The following SPON1 variants were observed in gnomAD, a reference collection of about 807,000 sequenced individuals.
SPON1 encodes the protein spondin-1.
SPON1 carries 52 observed loss-of-function variants against 111.7 expected under a neutral mutation model. The observed-to-expected ratio is 0.47, with a 90% CI of 0.37 to 0.59. The LOEUF is 0.59. SPON1 is among the 20% of genes least tolerant of loss of function. The probability of loss-of-function intolerance (pLI) is 0.00; values close to 1 mark genes in which losing one functional copy is unlikely to be tolerated. For missense variants in SPON1, 957 were observed against 1,068.5 expected, an observed-to-expected ratio of 0.90 and a Z score of 1.46; for synonymous variants, 410 against 395.8, an observed-to-expected ratio of 1.04 and a Z score of -0.43.
chr11:14,255,781 A>T lies in SPON1; in HGVS notation c.1227A>T (p.Ala409=), dbSNP rs1849100255. ...QVARVVIERI[A]RKGEQCNIVP... The stretch of plus-strand genomic sequence containing the variant: ...CCAGAGTTGTCATCGAGAGAATCGC[A>T]CGGAAGGTACTGGGTTAGAACCCAC... The change falls in exon 9 of 16, where the codon GCA becomes GCT. Residue 409 remains alanine, a synonymous_variant. Coordinates refer to ENST00000576479, the MANE Select transcript of SPON1 (RefSeq NM_006108.4). 1.2e-6 allele frequency: 2 copies of T among 1,613,824 alleles called. No homozygotes were observed. The highest frequency in any genetic ancestry group is 4.5e-5 in the East Asian group (2 of 44,854).
intron 6 of SPON1, among the ~76,000 whole-genome samples, chr11:14,205,384 T>TGATG (rs1404893148): frequency 1.3e-5 from 2 of 152,170 alleles, no homozygotes; most frequent in Non-Finnish European, 2.9e-5. Context: ...AATAAATATT[T>TGATG]GATGGATGGA....
At chr11:14,025,881 A>T (rs1554915252) in intron 2 of SPON1, among the ~76,000 whole-genome samples, 1 of 152,060 alleles carries the variant, frequency 6.6e-6, no homozygotes, top group East Asian at 1.9e-4. Flanking sequence ...AGAGACAAGA[A>T]CTATGCCATT....
At chr11:14,027,622 A>G (rs11023055) in intron 2 of SPON1, among the ~76,000 whole-genome samples, 45,314 of 152,150 alleles carry the variant, frequency 0.3, 7,895 homozygotes, top group South Asian at 0.51. Flanking sequence ...AGAGACATTC[A>G]TTTGTCCATC....
intron 6 of SPON1, among the ~76,000 whole-genome samples, chr11:14,182,431 G>A (rs192204123): frequency 6.6e-6 from 1 of 152,232 alleles, no homozygotes. Context: ...ATGTCTGTGG[G>A]CTGTTATATA....
chr11:14,099,469 C>T (rs1161131736), intron 5 of SPON1, among the ~76,000 whole-genome samples: 1 of 152,068 alleles, frequency 6.6e-6, no homozygotes, highest in Non-Finnish European at 1.5e-5. Flanking sequence ...AATAAATGCA[C>T]TTAAGGCTGT....
intron 6 of SPON1, among the ~76,000 whole-genome samples, chr11:14,221,523 T>A (rs1848680546): frequency 6.6e-6 from 1 of 152,212 alleles, no homozygotes; most frequent in African/African-American, 2.4e-5. Flanking sequence ...TACAGTGTGA[T>A]GAATGGGATA....
intron 2 of SPON1, among the ~76,000 whole-genome samples, chr11:13,998,081 T>C (rs1215942743): frequency 6.6e-6 from 1 of 152,154 alleles, no homozygotes; most frequent in Non-Finnish European, 1.5e-5. Context: ...TGAGTAAATA[T>C]TAGTCACATA....
intron 2 of SPON1, among the ~76,000 whole-genome samples, chr11:14,021,104 C>T (rs529044920): frequency 5.9e-5 from 9 of 152,124 alleles, no homozygotes; most frequent in Admixed American, 5.9e-4. Context: ...GAGGTAAAAT[C>T]CTGGGCACAA....
In SPON1 at chr11:14,025,312, C is replaced by A. The variant is rs556115354; in HGVS notation, c.346-16209C>A. Among the ~76,000 whole-genome samples, 14 of 152,264 alleles carry A rather than the reference C, an allele frequency of 9.2e-5. No individual in the cohort carries two copies. The South Asian group carries it at 2.9e-3, about 32-fold the overall frequency. On this transcript the variant is annotated intron_variant, in intron 2 of 15. Transcript: ENST00000576479. ...CTTCTCTAAAAAGGGAGTAGCAATA[C>A]CTCTTTAATTTTAATTAATTCATTT... is the stretch of plus-strand genomic sequence containing the variant.
In SPON1 at chr11:14,267,025, TTTC is replaced by T. The variant is rs1331548186; in HGVS notation, c.*1344_*1346del. 3 of 152,264 alleles carry T rather than the reference TTTC, an allele frequency of 2.0e-5. No homozygotes were observed. The highest frequency in any genetic ancestry group is 4.4e-5 in the Non-Finnish European group (3 of 68,050). 9.4% of individuals were successfully genotyped at this position (152,264 alleles called of 1,614,324 possible). On this transcript the variant is annotated 3_prime_UTR_variant, in exon 16 of 16. Coordinates refer to ENST00000576479, the MANE Select transcript of SPON1 (RefSeq NM_006108.4). ...TTTATTGTTGAAAACTATTGTTTCA[TTTC>T]TTCTTTTATAGGCCTTATTACTGCT... is the stretch of plus-strand genomic sequence containing the variant.
chr11:14,149,192 C>T (rs1401953184), intron 6 of SPON1, among the ~76,000 whole-genome samples: 2 of 152,070 alleles, frequency 1.3e-5, no homozygotes, highest in Non-Finnish European at 2.9e-5. Context: ...CGAGGACCTT[C>T]CAGTGGGACA....
chr11:14,015,820 T>C, intron 2 of SPON1, among the ~76,000 whole-genome samples: 1 of 152,192 alleles, frequency 6.6e-6, no homozygotes, highest in East Asian at 1.9e-4. Flanking sequence ...ATGCAGTGTG[T>C]CAGAGGCTCA....
chr11:13,963,385 G>A (rs1847990632), intron 1 of SPON1, among the ~76,000 whole-genome samples: 1 of 152,188 alleles, frequency 6.6e-6, no homozygotes, highest in South Asian at 2.1e-4. Context: ...TTTCCGACGC[G>A]CGGTTCCCAG....
intron 1 of SPON1, among the ~76,000 whole-genome samples, chr11:13,978,129 A>G (rs1033918294): frequency 3.9e-5 from 6 of 152,148 alleles, no homozygotes; most frequent in African/African-American, 9.7e-5. Context: ...TTACCTTGCT[A>G]TAGTCCACTG....
At chr11:14,021,982 T>G (rs551759560) in intron 2 of SPON1, among the ~76,000 whole-genome samples, 1 of 152,296 alleles carries the variant, frequency 6.6e-6, no homozygotes, top group South Asian at 2.1e-4. Context: ...AAGCATTGAT[T>G]GTTGTTTTTA....
intron 5 of SPON1, among the ~76,000 whole-genome samples, chr11:14,124,939 G>A (rs1349708590): frequency 6.6e-6 from 1 of 152,074 alleles, no homozygotes; most frequent in Admixed American, 6.5e-5. Context: ...CCTAGGGAAG[G>A]AAAAAAAGAC....
intron 3 of SPON1, among the ~76,000 whole-genome samples, chr11:14,047,746 A>G (rs1035268591): frequency 6.6e-6 from 1 of 152,190 alleles, no homozygotes; most frequent in Non-Finnish European, 1.5e-5. Context: ...CTGAAGTGAG[A>G]GCAAACATGG....
chr11:14,133,210 C>T (rs1847546765), intron 5 of SPON1, among the ~76,000 whole-genome samples: 1 of 152,118 alleles, frequency 6.6e-6, no homozygotes, highest in Middle Eastern at 3.2e-3. Flanking sequence ...AGCCTGTTCC[C>T]AACTATGTCA....
At chr11:13,978,988 TTCCCCGGAGGC>T (rs1330813838) in intron 1 of SPON1, among the ~76,000 whole-genome samples, 1 of 152,226 alleles carries the variant, frequency 6.6e-6, no homozygotes, top group East Asian at 1.9e-4. Context: ...TTGGCTGGGG[TTCCCCGGAGGC>T]TGATTGTATT....
Sources: allele counts gnomAD v4.1 joint callset (sites outside exome capture counted in the v4.1 genomes callset), GRCh38; gene constraint gnomAD v4.1.1; transcripts MANE v1.5; gene names NCBI Gene and HGNC (gene_info 2026-07-23, HGNC 2026-07-21).